Variants in JARID2 observed in about 807,000 individuals in gnomAD.
JARID2 encodes the protein jumonji and AT-rich interaction domain containing 2.
In JARID2, 21 loss-of-function variants were observed where a neutral mutation model predicts 125.6. That is an observed-to-expected ratio of 0.17 (90% CI 0.12 to 0.24). JARID2 has a LOEUF of 0.24. Ranked by LOEUF, JARID2 falls within the 10% of genes least tolerant of loss-of-function variation. The probability of loss-of-function intolerance (pLI) is 1.00; values close to 1 mark genes in which losing one functional copy is unlikely to be tolerated. For synonymous variants in JARID2, 736 were observed against 661.6 expected (o/e 1.11, Z -1.73); for missense variants, 1,303 against 1,639.6 (o/e 0.79, Z 3.55).
At chr6:15,489,101 G>C (rs575153132) in intron 6 of JARID2, among the ~76,000 whole-genome samples, 1 of 152,216 alleles carries the variant, frequency 6.6e-6, no homozygotes, top group Non-Finnish European at 1.5e-5. Context: ...AGAATTAGAA[G>C]CAACCCAGGG....
At chr6:15,413,586 TTTG>T (rs1765998902) in intron 3 of JARID2, among the ~76,000 whole-genome samples, 1 of 152,144 alleles carries the variant, frequency 6.6e-6, no homozygotes, top group African/African-American at 2.4e-5. Context: ...AAGCTCGGTT[TTTG>T]TTGTTTGTTT....
intron 1 of JARID2, among the ~76,000 whole-genome samples, chr6:15,284,671 G>A (rs1356446166): frequency 6.6e-6 from 1 of 152,032 alleles, no homozygotes; most frequent in African/African-American, 2.4e-5. Context: ...ATTTTTAGTA[G>A]AGACGGGGTT....
intron 3 of JARID2, among the ~76,000 whole-genome samples, chr6:15,446,736 C>T (rs1049004227): frequency 9.2e-5 from 14 of 152,168 alleles, no homozygotes; most frequent in African/African-American, 3.4e-4. Context: ...GTTCACTCAG[C>T]GGGGCTGATT....
At chr6:15,329,633 CTG>C (rs1024398955) in intron 1 of JARID2, among the ~76,000 whole-genome samples, 13 of 152,198 alleles carry the variant, frequency 8.5e-5, no homozygotes, top group Admixed American at 7.9e-4. Context: ...TCTGTCTAGT[CTG>C]TGAAGGTCAG....
chr6:15,482,239 G>A (rs756284941), intron 5 of JARID2, among the ~76,000 whole-genome samples: 8 of 152,210 alleles, frequency 5.3e-5, no homozygotes, highest in Admixed American at 2.6e-4. Context: ...AAATCATCAT[G>A]TAAGGAGTAA....
chr6:15,496,711 A>G lies in JARID2; in HGVS notation c.1486A>G (p.Arg496Gly). 2 of 1,613,598 alleles carry G rather than the reference A, an allele frequency of 1.2e-6. No homozygotes were observed. The highest frequency in any genetic ancestry group is 1.3e-5 in the African/African-American group (1 of 75,060). ...KKEVPERSLE[R>G]NRPKRATAGK... Reference sequence around the variant, plus strand: ...GGAAGTGCCGGAGCGCAGTCTGGAGAGGAATCGGCCGAAGCGGGCCACGGC... The same window carrying G: ...GGAAGTGCCGGAGCGCAGTCTGGAGGGGAATCGGCCGAAGCGGGCCACGGC... The change falls in exon 7 of 18, where the codon AGG becomes GGG. Residue 496 changes from arginine to glycine, a missense_variant. Coordinates refer to ENST00000341776, the MANE Select transcript of JARID2 (RefSeq NM_004973.4).
chr6:15,275,846 A>G (rs1760483050), intron 1 of JARID2, among the ~76,000 whole-genome samples: 1 of 152,074 alleles, frequency 6.6e-6, no homozygotes, highest in Admixed American at 6.6e-5. Context: ...TACTGCGTGA[A>G]GTGGGACAAG....
Position 15,496,989 on chromosome 6 carries a change from G to C in JARID2, c.1764G>C (p.Arg588Ser). The C allele has an allele frequency of 1.2e-6, 2 of 1,614,042 alleles. No homozygotes were observed. Among genetic ancestry groups the C allele is most frequent in the Non-Finnish European group, 1.7e-6 (2 of 1,179,966 alleles). ...RAQVEKFGMC[R>S]VIPPPDWRPE... Reference sequence around the variant, plus strand: ...AGGTGGAGAAGTTCGGGATGTGCAGGGTGATCCCCCCTCCGGACTGGCGGC... The same window carrying C: ...AGGTGGAGAAGTTCGGGATGTGCAGCGTGATCCCCCCTCCGGACTGGCGGC... Residue 588 changes from arginine to serine, a missense_variant, in exon 7 of 18, where the codon AGG becomes AGC. Physicochemically the swap from Arg to Ser is moderately radical, Grantham distance 110 (BLOSUM62 -1). This residue lies in a region of JARID2 where 651 missense variants were observed against 581.6 expected (regional missense o/e 1.12). Coordinates refer to ENST00000341776, the MANE Select transcript of JARID2 (RefSeq NM_004973.4).
chr6:15,514,176 G>GC (rs5874514), intron 16 of JARID2, among the ~76,000 whole-genome samples: 152,352 of 152,352 alleles, frequency 1, 76,176 homozygotes, highest in Non-Finnish European at 1. Flanking sequence ...GATGGCTGTG[G>GC]CCTCGCCATG....
At chr6:15,340,827 GT>G (rs1763043918) in intron 1 of JARID2, among the ~76,000 whole-genome samples, 1 of 152,202 alleles carries the variant, frequency 6.6e-6, no homozygotes, top group African/African-American at 2.4e-5. Context: ...ATAACACTCA[GT>G]TGGCCTTATG....
rs1771150314 is a variant in JARID2 at position 15,509,106 on chromosome 6, CGCCTGT to C, written c.2846+653_2846+658del. 3 of 1,288,986 alleles carry C rather than the reference CGCCTGT, an allele frequency of 2.3e-6. No homozygotes were observed. In the African/African-American group the frequency reaches 4.6e-5, roughly 20 times the overall value. The allele number at this position is 1,288,986 out of a possible 1,614,324, so 79.8% of individuals were successfully genotyped here. On this transcript the variant is annotated intron_variant, in intron 12 of 17. Coordinates refer to ENST00000341776, the MANE Select transcript of JARID2 (RefSeq NM_004973.4). ...TGCCTGGCGAGGTGTTCTGGGTCCCCGCCTGTAATCTGACTCTCACTGTAGCCATCC... is the reference window on the plus strand; with the variant it reads ...TGCCTGGCGAGGTGTTCTGGGTCCCCAATCTGACTCTCACTGTAGCCATCC...
Position 15,248,077 on chromosome 6 carries a change from T to C in JARID2, c.45+1493T>C, listed in dbSNP as rs1398254123. ...AGCGTGGGGTGGGTTTTCTTTCTTATTGCGGGCGTTCAGCGGATCGTGTCT... is the reference window on the plus strand; with the variant it reads ...AGCGTGGGGTGGGTTTTCTTTCTTACTGCGGGCGTTCAGCGGATCGTGTCT... On this transcript the variant is annotated intron_variant, in intron 1 of 17. Coordinates refer to ENST00000341776, the MANE Select transcript of JARID2 (RefSeq NM_004973.4). The C allele has an allele frequency of 1.3e-5, 13 of 985,238 alleles. No individual in the cohort carries two copies. The South Asian group carries it at 2.8e-4, about 21-fold the overall frequency. 61.0% of individuals were successfully genotyped at this position (985,238 alleles called of 1,614,324 possible).
intron 3 of JARID2, among the ~76,000 whole-genome samples, chr6:15,424,053 A>T (rs1051896760): frequency 1.3e-5 from 2 of 151,772 alleles, no homozygotes; most frequent in African/African-American, 4.8e-5. Flanking sequence ...CTGCTTAGAC[A>T]TCTGAGCCCG....
chr6:15,510,148 G>A (rs1050992938), intron 12 of JARID2, among the ~76,000 whole-genome samples: 2 of 152,104 alleles, frequency 1.3e-5, no homozygotes, highest in African/African-American at 4.8e-5. Context: ...TGGCGGTGTT[G>A]CCCTGAGCTG....
chr6:15,460,368 G>A (rs1170425679), intron 4 of JARID2, among the ~76,000 whole-genome samples: 1 of 152,134 alleles, frequency 6.6e-6, no homozygotes, highest in Non-Finnish European at 1.5e-5. Flanking sequence ...CCTTTTTGCT[G>A]CCAGTGAGTA....
At chr6:15,327,333 T>A (rs924794649) in intron 1 of JARID2, among the ~76,000 whole-genome samples, 3 of 152,100 alleles carry the variant, frequency 2.0e-5, no homozygotes, top group Admixed American at 6.5e-5. Flanking sequence ...ATAGGTGCCT[T>A]TTGACTCGCC....
In JARID2 at chr6:15,512,384, C is replaced by T. The variant is rs143186334; in HGVS notation, c.3129C>T (p.Thr1043=). ...AGTGGACAAGTATGGGCTTTGAGAC[C>T]GCCAAGGTGAGCAGAGCCGGCCTCC... ...TTQWTSMGFE[T]AKEMKRRHIA... Residue 1043 remains threonine, a synonymous_variant, in exon 14 of 18, where the codon ACC becomes ACT. Transcript: ENST00000341776. The T allele has an allele frequency of 4.8e-5, 78 of 1,613,782 alleles. No individual in the cohort carries two copies. In the African/African-American group the frequency reaches 4.9e-4, roughly 10 times the overall value.
intron 1 of JARID2, among the ~76,000 whole-genome samples, chr6:15,307,586 TG>T (rs1320755717): frequency 6.6e-6 from 1 of 152,276 alleles, no homozygotes; most frequent in African/African-American, 2.4e-5. Context: ...GTTTTCGGGA[TG>T]GGGTTGTGGT....
chr6:15,266,825 A>G (rs1760101950), intron 1 of JARID2, among the ~76,000 whole-genome samples: 1 of 152,178 alleles, frequency 6.6e-6, no homozygotes. Context: ...GCCTCCTAGA[A>G]AATGCACTGC....
Sources: allele counts gnomAD v4.1 joint callset (sites outside exome capture counted in the v4.1 genomes callset), GRCh38; gene constraint gnomAD v4.1.1; regional missense constraint gnomAD v4.1.1; transcripts MANE v1.5; gene names NCBI Gene and HGNC (gene_info 2026-07-23, HGNC 2026-07-21).